Variants in TBC1D9 observed in about 807,000 individuals in gnomAD.
TBC1D9 encodes TBC1 domain family member 9.
TBC1D9 carries 63 observed loss-of-function variants against 132.0 expected under a neutral mutation model. That is an observed-to-expected ratio of 0.48 (90% CI 0.39 to 0.59). The LOEUF (loss-of-function observed/expected upper bound fraction) is 0.59, where lower values mean the gene tolerates loss of function less well. Among genes scored for constraint, TBC1D9 ranks in the 20% least tolerant of loss-of-function variants. The pLI is 0.00. For synonymous variants in TBC1D9, 610 were observed against 609.9 expected, an observed-to-expected ratio of 1.00 and a Z score of 0.00; for missense variants, 1,261 against 1,592.7, an observed-to-expected ratio of 0.79 and a Z score of 3.54.
At chr4:140,704,399 T>TCAAGCAAA (rs1553971732) in intron 1 of TBC1D9, among the ~76,000 whole-genome samples, 1 of 133,522 alleles carries the variant, frequency 7.5e-6, no homozygotes, top group Admixed American at 7.9e-5. Context: ...AGACTCTGTC[T>TCAAGCAAA]CAAACAAACA....
chr4:140,691,024 A>T (rs887682548), intron 2 of TBC1D9, among the ~76,000 whole-genome samples: 5 of 152,202 alleles, frequency 3.3e-5, no homozygotes, highest in Admixed American at 3.3e-4. Flanking sequence ...GCACAAATGC[A>T]CCATATTCTC....
intron 1 of TBC1D9, among the ~76,000 whole-genome samples, chr4:140,714,450 G>T (rs11946936): frequency 0.33 from 50,333 of 152,054 alleles, 8,644 homozygotes; most frequent in East Asian, 0.57. Flanking sequence ...AATGGCGATT[G>T]AAAGTTATGA....
Position 140,633,967 on chromosome 4 carries a change from C to T in TBC1D9, c.2727G>A (p.Arg909=). The change falls in exon 16 of 21, where the codon CGG becomes CGA. Residue 909 remains arginine (R), a synonymous_variant. Transcript: ENST00000442267. Reference sequence around the variant, plus strand: ...CCTTACTTAGCCCAGAGACAAACTCCCGGAAGTTAATCAAAGAGTCTCCAT... The same window carrying T: ...CCTTACTTAGCCCAGAGACAAACTCTCGGAAGTTAATCAAAGAGTCTCCAT... ...DENGDSLINF[R]EFVSGLSAAC... 1 of 1,613,914 alleles carries T rather than the reference C, an allele frequency of 6.2e-7. No individual in the cohort carries two copies. Among genetic ancestry groups the T allele is most frequent in the South Asian group, 1.1e-5 (1 of 91,062 alleles).
chr4:140,635,490 A>C (rs1261386869), intron 15 of TBC1D9, among the ~76,000 whole-genome samples: 1 of 152,150 alleles, frequency 6.6e-6, no homozygotes, highest in Non-Finnish European at 1.5e-5. Context: ...TTAAAAAAAT[A>C]AAACTAAAAA....
At position 140,706,191 on chromosome 4, in the gene TBC1D9, C is replaced by T. The variant is rs1037572723; in HGVS notation, c.131-4577G>A. Among the ~76,000 whole-genome samples, 1 of 152,132 alleles carries T rather than the reference C, an allele frequency of 6.6e-6. No individual in the cohort carries two copies. Among genetic ancestry groups the T allele is most frequent in the Non-Finnish European group, 1.5e-5 (1 of 68,022 alleles). On this transcript the variant is annotated intron_variant, in intron 1 of 20. Coordinates refer to ENST00000442267, the MANE Select transcript of TBC1D9 (RefSeq NM_015130.3). This position sits in a 1 kb window ranked among gnomAD's most constrained non-coding sequence, Gnocchi z 4.0. ...GCAGAAATGTGCTCATGGAAATGAT[C>T]GATCCATCTACTGATGATCAGGGCT...
chr4:140,669,664 C>G lies in TBC1D9; in HGVS notation c.1407G>C (p.Arg469=), dbSNP rs1282770732. Residue 469 remains arginine, a synonymous_variant, in exon 8 of 21, where the codon CGG becomes CGC. Transcript: ENST00000442267. ...ATQTLMTMYR[R]RSPEEFNPKL... Reference sequence around the variant, plus strand: ...TCGGGTTGAACTCCTCGGGAGACCGCCGCCGATACATGGTCATCAGGGTCT... The same window carrying G: ...TCGGGTTGAACTCCTCGGGAGACCGGCGCCGATACATGGTCATCAGGGTCT... 1 of 1,612,986 alleles carries G rather than the reference C, an allele frequency of 6.2e-7. No homozygotes were observed. Among genetic ancestry groups the G allele is most frequent in the Admixed American group, 1.7e-5 (1 of 60,004 alleles).
At chr4:140,720,911 G>A (rs954602698) in intron 1 of TBC1D9, among the ~76,000 whole-genome samples, 5 of 152,164 alleles carry the variant, frequency 3.3e-5, no homozygotes, top group Non-Finnish European at 7.3e-5. Context: ...TTGTGTGTGC[G>A]CCCAGACAGG....
intron 12 of TBC1D9, 55 bp from the exon 13 acceptor site, chr4:140,657,281 A>G: frequency 1.3e-6 from 2 of 1,576,288 alleles, no homozygotes; most frequent in African/African-American, 1.4e-5. Context: ...TCCTCCCATT[A>G]TAATTCTCCA....
At chr4:140,689,817 G>C (rs1176952166) in intron 2 of TBC1D9, among the ~76,000 whole-genome samples, 3 of 134,364 alleles carry the variant, frequency 2.2e-5, no homozygotes, top group Non-Finnish European at 3.1e-5. Flanking sequence ...GCATGATCTT[G>C]GCTCACTGCA....
chr4:140,643,372 G>T, intron 13 of TBC1D9: 1 of 1,291,794 alleles, frequency 7.7e-7, no homozygotes, highest in South Asian at 1.3e-5. Context: ...GAGGGCAGAG[G>T]CCTGGCCTGG....
At chr4:140,623,411 A>G (rs1402611782) in intron 20 of TBC1D9, among the ~76,000 whole-genome samples, 1 of 152,208 alleles carries the variant, frequency 6.6e-6, no homozygotes, top group Admixed American at 6.5e-5. Context: ...AACATCTATG[A>G]AAGTTGGAAT....
intron 16 of TBC1D9, among the ~76,000 whole-genome samples, chr4:140,630,261 G>A (rs1736771428): frequency 6.6e-6 from 1 of 152,084 alleles, no homozygotes; most frequent in Non-Finnish European, 1.5e-5. Flanking sequence ...CCTGCATGTA[G>A]GCTAGGATAA....
At chr4:140,624,410 G>GA (rs5862491) in intron 18 of TBC1D9, 22 bp from the exon 19 acceptor site, 238,273 of 1,595,308 alleles carry the variant, frequency 0.15, 18,865 homozygotes, top group South Asian at 0.18. Flanking sequence ...TGGTTCAGAA[G>GA]AAAAAAGTAG....
intron 16 of TBC1D9, among the ~76,000 whole-genome samples, chr4:140,632,379 C>T (rs542802324): frequency 1.3e-5 from 2 of 151,830 alleles, no homozygotes; most frequent in East Asian, 3.9e-4. Context: ...CTGATTTGTG[C>T]CACTTTTTAA....
chr4:140,634,927 AG>A (rs1034915085), intron 15 of TBC1D9, among the ~76,000 whole-genome samples: 1 of 152,154 alleles, frequency 6.6e-6, no homozygotes, highest in Non-Finnish European at 1.5e-5. Flanking sequence ...CTTGGAAAAA[AG>A]GCAGCCTCTT....
intron 2 of TBC1D9, among the ~76,000 whole-genome samples, chr4:140,698,976 C>T (rs1158551557): frequency 6.6e-6 from 1 of 152,118 alleles, no homozygotes; most frequent in Admixed American, 6.5e-5. Context: ...TTACTTGTAT[C>T]CTCACTAGAC....
intron 1 of TBC1D9, among the ~76,000 whole-genome samples, chr4:140,711,978 A>T (rs1394562053): frequency 6.6e-6 from 1 of 152,208 alleles, no homozygotes; most frequent in Non-Finnish European, 1.5e-5. Flanking sequence ...TGATGAGAAA[A>T]CAAAAAATAT....
chr4:140,710,735 G>T (rs984644175), intron 1 of TBC1D9, among the ~76,000 whole-genome samples: 9 of 152,014 alleles, frequency 5.9e-5, no homozygotes, highest in South Asian at 2.1e-4. Context: ...TCTCCTGGGT[G>T]GGGGGGTGGT....
chr4:140,665,430 T>A (rs986002410), intron 9 of TBC1D9, among the ~76,000 whole-genome samples: 2 of 152,154 alleles, frequency 1.3e-5, no homozygotes, highest in Admixed American at 1.3e-4. Context: ...GCAAAGGATC[T>A]GAGTACATAT....
Sources: gnomAD v4.1 joint callset for allele counts (sites outside exome capture counted in the v4.1 genomes callset) on GRCh38, gnomAD v4.1.1 for gene constraint, Gnocchi (gnomAD v3.1) non-coding constraint, MANE v1.5 for transcripts, NCBI Gene and HGNC (gene_info 2026-07-23, HGNC 2026-07-21) for gene names.